VNN1: variants seen among roughly 807,000 people sequenced by gnomAD.
VNN1 encodes vanin 1, also known as pantetheinase.
In VNN1, 29 loss-of-function variants were observed where a neutral mutation model predicts 41.9. The observed-to-expected ratio is 0.69, with a 90% confidence interval of 0.52 to 0.94. The LOEUF is 0.94. Ranked by LOEUF, VNN1 falls within the 40% of genes least tolerant of loss-of-function variation. The pLI is 0.00. For missense variants in VNN1, 637 were observed against 621.1 expected, an observed-to-expected ratio of 1.03 and a Z score of -0.27; for synonymous variants, 233 against 224.4, an observed-to-expected ratio of 1.04 and a Z score of -0.34.
At chr6:132,711,675 T>A (rs759944585) in intron 2 of VNN1, 34 bp downstream of exon 2, 2 of 1,601,988 alleles carry the variant, frequency 1.2e-6, no homozygotes, top group African/African-American at 2.7e-5. Flanking sequence ...AAGTTGATGT[T>A]TACTAGTGAA....
At chr6:132,711,188 G>A (rs1296893241) in intron 2 of VNN1, among the ~76,000 whole-genome samples, 1 of 152,126 alleles carries the variant, frequency 6.6e-6, no homozygotes, top group African/African-American at 2.4e-5. Flanking sequence ...TAAGATATTG[G>A]TTTCCTTACA....
intron 5 of VNN1, among the ~76,000 whole-genome samples, chr6:132,688,070 C>T (rs1042400354): frequency 6.6e-6 from 1 of 152,026 alleles, no homozygotes; most frequent in African/African-American, 2.4e-5. Flanking sequence ...ATTTTTCAAG[C>T]ATAATATATC....
At chr6:132,697,249 A>G (rs772423855) in intron 2 of VNN1, among the ~76,000 whole-genome samples, 3 of 152,224 alleles carry the variant, frequency 2.0e-5, no homozygotes, top group Non-Finnish European at 4.4e-5. Flanking sequence ...GTACTATTAA[A>G]GCCTTTGAAG....
intron 3 of VNN1, 69 bp downstream of exon 3, chr6:132,693,919 CAT>C: frequency 6.5e-7 from 1 of 1,529,666 alleles, no homozygotes; most frequent in Non-Finnish European, 9.0e-7. Flanking sequence ...TTATCAATAA[CAT>C]ATTTTTCTCC....
At chr6:132,700,546 G>A (rs965775852) in intron 2 of VNN1, among the ~76,000 whole-genome samples, 1 of 152,092 alleles carries the variant, frequency 6.6e-6, no homozygotes, top group African/African-American at 2.4e-5. Flanking sequence ...TCTAGTCTGG[G>A]GCTGAGCCTG....
chr6:132,712,000 C>T (rs1232610842), intron 1 of VNN1, among the ~76,000 whole-genome samples, 161 bp from the exon 2 acceptor site: 3 of 151,342 alleles, frequency 2.0e-5, no homozygotes, highest in Non-Finnish European at 4.4e-5. Flanking sequence ...TTTTAATTTC[C>T]TTTTTTTTCA....
At chr6:132,684,639 A>G (rs1778181501) in intron 5 of VNN1, 134 bp from the exon 6 acceptor site, 1 of 670,246 alleles carries the variant, frequency 1.5e-6, no homozygotes, top group African/African-American at 1.9e-5. Context: ...TACAATTTTC[A>G]TTTGTTAATG....
At chr6:132,713,723 A>C (rs1435272782) in intron 1 of VNN1, 103 bp downstream of exon 1, 8 of 1,257,736 alleles carry the variant, frequency 6.4e-6, no homozygotes, top group Non-Finnish European at 8.9e-6. Flanking sequence ...TCTGATACAT[A>C]TATCATCTAA....
intron 2 of VNN1, among the ~76,000 whole-genome samples, chr6:132,710,653 G>A (rs1195343353): frequency 6.6e-6 from 1 of 152,108 alleles, no homozygotes; most frequent in Non-Finnish European, 1.5e-5. Context: ...TTAGTTTGCT[G>A]AGAATGATGG....
chr6:132,708,922 G>A (rs986665481), intron 2 of VNN1, among the ~76,000 whole-genome samples: 2 of 152,062 alleles, frequency 1.3e-5, no homozygotes, highest in Admixed American at 6.6e-5. Context: ...CCATAGGTTA[G>A]ACACATACTC....
At chr6:132,688,983 G>A (rs1456457058) in intron 5 of VNN1, among the ~76,000 whole-genome samples, 1 of 152,150 alleles carries the variant, frequency 6.6e-6, no homozygotes, top group Non-Finnish European at 1.5e-5. Flanking sequence ...CTATCTCCCA[G>A]GATCAAGCAA....
At chr6:132,710,330 A>G (rs1239914954) in intron 2 of VNN1, among the ~76,000 whole-genome samples, 6 of 152,276 alleles carry the variant, frequency 3.9e-5, no homozygotes, top group Middle Eastern at 3.4e-3. Context: ...AATTACAGGC[A>G]TGAGTCACCA....
At chr6:132,696,981 T>C (rs1778383666) in intron 2 of VNN1, among the ~76,000 whole-genome samples, 2 of 152,188 alleles carry the variant, frequency 1.3e-5, no homozygotes, top group South Asian at 4.2e-4. Context: ...GGCAGGTGCC[T>C]GTAGTTCCAG....
intron 2 of VNN1, among the ~76,000 whole-genome samples, chr6:132,705,512 G>A (rs897590419): frequency 1.3e-5 from 2 of 152,088 alleles, no homozygotes; most frequent in South Asian, 2.1e-4. Context: ...GATATAGAAG[G>A]AACATACCTC....
In VNN1 at chr6:132,684,459, C is replaced by T. The variant is rs1778177984; in HGVS notation, c.1235G>A (p.Gly412Asp). Residue 412 changes from glycine to aspartate, a missense_variant, in exon 6 of 7, where the codon GGT (glycine) becomes GAT (aspartate). Gly to Asp is a moderately conservative substitution (Grantham distance 94, BLOSUM62 -1). Transcript: ENST00000367928. ...GGTAGAAGCTGTTTCAGCTGAGTCA[C>T]CGCAAGTGTTTAAATTAGTCGTTTT... The part of the protein sequence containing the change: ...KCKTTNLNTC[G>D]DSAETASTRF... 6 of 1,613,912 alleles carry T rather than the reference C, an allele frequency of 3.7e-6. No homozygotes were observed. Among genetic ancestry groups the T allele is most frequent in the Admixed American group, 1.7e-5 (1 of 59,992 alleles).
At chr6:132,697,681 T>A (rs1342306489) in intron 2 of VNN1, among the ~76,000 whole-genome samples, 1 of 151,286 alleles carries the variant, frequency 6.6e-6, no homozygotes, top group East Asian at 1.9e-4. Context: ...TACAAACAAA[T>A]TTGTATAATG....
chr6:132,684,838 G>C (rs1010034695), intron 5 of VNN1, among the ~76,000 whole-genome samples: 9 of 152,024 alleles, frequency 5.9e-5, no homozygotes, highest in Non-Finnish European at 1.5e-5. Flanking sequence ...GTTTATCACT[G>C]AATAATTAAT....
chr6:132,692,178 G>A lies in VNN1; in HGVS notation c.1188+45C>T, dbSNP rs755362509. ...TTATCTAAACTGTATATTTAACTGA[G>A]TGTCTTTATTTTATCCAGTAACTCT... On this transcript the variant is annotated intron_variant, in intron 5 of 6. Transcript: ENST00000367928. The A allele has an allele frequency of 2.0e-6, 3 of 1,499,922 alleles. No individual in the cohort carries two copies. The East Asian group carries it at 6.9e-5, about 34-fold the overall frequency. The allele number at this position is 1,499,922 out of a possible 1,614,324, so 92.9% of individuals were successfully genotyped here.
intron 2 of VNN1, among the ~76,000 whole-genome samples, chr6:132,697,188 T>C (rs886913593): frequency 6.6e-6 from 1 of 152,078 alleles, no homozygotes; most frequent in Non-Finnish European, 1.5e-5. Flanking sequence ...AGGATGGATA[T>C]TGAGCTTTGC....
Sources: gnomAD v4.1 joint callset for allele counts (sites outside exome capture counted in the v4.1 genomes callset) on GRCh38, gnomAD v4.1.1 for gene constraint, MANE v1.5 for transcripts, NCBI Gene and HGNC (gene_info 2026-07-23, HGNC 2026-07-21) for gene names.